The following PPP2R2D variants were observed in gnomAD, a reference collection of about 807,000 sequenced individuals.
The protein encoded by PPP2R2D is serine/threonine-protein phosphatase 2A 55 kDa regulatory subunit B delta isoform.
Under a neutral mutation model 31.1 loss-of-function variants are expected in PPP2R2D, and 9 were observed. The ratio of observed to expected loss-of-function variants is 0.29; its 90% CI spans 0.17 to 0.51. The LOEUF is 0.51. Among genes scored for constraint, PPP2R2D ranks in the 20% least tolerant of loss-of-function variants. PPP2R2D has a pLI of 0.98. For missense variants in PPP2R2D, 391 were observed against 465.6 expected, an observed-to-expected ratio of 0.84 and a Z score of 1.48; for synonymous variants, 179 against 172.6, an observed-to-expected ratio of 1.04 and a Z score of -0.29.
chr10:131,939,892 T>G, intron 3 of PPP2R2D, 139 bp from the exon 4 acceptor site: 2 of 409,190 alleles, frequency 4.9e-6, no homozygotes, highest in Non-Finnish European at 8.9e-6. Flanking sequence ...TTTCCCTGAG[T>G]TTCATCTGAG....
At chr10:131,930,394 G>A (rs2036200086) in intron 2 of PPP2R2D, among the ~76,000 whole-genome samples, 1 of 152,210 alleles carries the variant, frequency 6.6e-6, no homozygotes, top group South Asian at 2.1e-4. Flanking sequence ...TTGGAAGTCA[G>A]ATCTGCCATC....
the PPP2R2D span, chr10:131,966,766 G>A: frequency 6.6e-6 from 1 of 152,086 alleles, no homozygotes; most frequent in Admixed American, 6.6e-5. Context: ...CCCCCAGGCT[G>A]GTCTCGAACT....
chr10:131,903,426 C>A (rs1404967861), intron 2 of PPP2R2D, among the ~76,000 whole-genome samples: 1 of 134,166 alleles, frequency 7.5e-6, no homozygotes, highest in Non-Finnish European at 1.5e-5. Flanking sequence ...GAGATCGTGC[C>A]ATTGCCCTCC....
At chr10:131,923,389 C>T (rs1486273628) in intron 2 of PPP2R2D, among the ~76,000 whole-genome samples, 4 of 152,178 alleles carry the variant, frequency 2.6e-5, no homozygotes, top group Non-Finnish European at 4.4e-5. Context: ...GTTTTTGGCT[C>T]TTTCAAATGC....
chr10:131,968,719 C>T, the PPP2R2D span: 6 of 598,276 alleles, frequency 1.0e-5, no homozygotes, highest in Non-Finnish European at 8.9e-6. Flanking sequence ...ATGAATCTAT[C>T]TGTGATCTTT....
At chr10:131,902,482 GC>G (rs2035516433) in intron 2 of PPP2R2D, among the ~76,000 whole-genome samples, 1 of 152,138 alleles carries the variant, frequency 6.6e-6, no homozygotes. Flanking sequence ...GACAAACAGG[GC>G]CTAGGTTATT....
chr10:131,917,267 G>A (rs1235772676), intron 2 of PPP2R2D, among the ~76,000 whole-genome samples: 4 of 137,148 alleles, frequency 2.9e-5, no homozygotes, highest in African/African-American at 5.5e-5. Context: ...GACCTCAGGC[G>A]GGTGGAATGA....
At position 131,955,785 on chromosome 10, in the gene PPP2R2D, G is replaced by A. The variant is rs781856912; in HGVS notation, c.1184G>A (p.Arg395His). 5.6e-6 allele frequency: 9 copies of A among 1,595,050 alleles called. No individual in the cohort carries two copies. The highest frequency in any genetic ancestry group is 2.3e-5 in the East Asian group (1 of 43,660). Residue 395 changes from arginine to histidine, a missense_variant, in exon 9 of 9, where the codon CGC (arginine) becomes CAC (histidine). This residue lies in a region of PPP2R2D where 163 missense variants were observed against 179.5 expected (regional missense o/e 0.91). Transcript: ENST00000455566. ...LEASRESSKP[R>H]ASLKPRKVCT... ...GCCTCGAGAGAGAGCAGCAAACCGC[G>A]CGCCAGCCTCAAACCCCGGAAGGTG... is the stretch of plus-strand genomic sequence containing the variant.
rs1183538183 is a variant in PPP2R2D, at chr10:131,928,483, T to C, written c.101-5975T>C. On this transcript the variant is annotated intron_variant, in intron 2 of 8. Coordinates refer to ENST00000455566, the MANE Select transcript of PPP2R2D (RefSeq NM_018461.5). The stretch of plus-strand genomic sequence containing the variant: ...TAGGTGATGCGTTTTAAGTACTGTA[T>C]CTTTTTTGGTAATAGACTGATTGTG... Among the ~76,000 whole-genome samples, 8 of 152,272 alleles carry C rather than the reference T, an allele frequency of 5.3e-5. No homozygotes were observed. The East Asian group carries it at 5.8e-4, about 11-fold the overall frequency.
chr10:131,927,400 G>A (rs1366750854), intron 2 of PPP2R2D, among the ~76,000 whole-genome samples: 1 of 151,426 alleles, frequency 6.6e-6, no homozygotes, highest in East Asian at 1.9e-4. Flanking sequence ...CAGAGAGGGC[G>A]GGTGCGCGGG....
the PPP2R2D span, chr10:131,967,124 C>T: frequency 6.6e-6 from 1 of 152,214 alleles, no homozygotes; most frequent in Non-Finnish European, 1.5e-5. Flanking sequence ...ATCCACCCAC[C>T]TCAACCTCCC....
chr10:131,944,285 C>A, intron 6 of PPP2R2D, 140 bp downstream of exon 6: 1 of 687,972 alleles, frequency 1.5e-6, no homozygotes, highest in Non-Finnish European at 2.3e-6. Flanking sequence ...GATGTAAGTT[C>A]TCTGTGATTT....
chr10:131,911,510 T>C (rs1157735408), intron 2 of PPP2R2D: 1 of 152,288 alleles, frequency 6.6e-6, no homozygotes, highest in Non-Finnish European at 1.5e-5. Context: ...GGGAATAAGC[T>C]AAGCAAAACT....
At chr10:131,943,209 C>G (rs535882558) in intron 5 of PPP2R2D, among the ~76,000 whole-genome samples, 1 of 152,174 alleles carries the variant, frequency 6.6e-6, no homozygotes, top group African/African-American at 2.4e-5. Context: ...CTGCAGCCAG[C>G]GCCCACTCCT....
chr10:131,901,101 C>A lies in PPP2R2D; in HGVS notation c.-48C>A. On this transcript the variant is annotated 5_prime_UTR_variant, in exon 1 of 9. Coordinates refer to ENST00000455566, the MANE Select transcript of PPP2R2D (RefSeq NM_018461.5). ...CGCTCGGCTGCAGCGGCGCGGAGGC[C>A]GTCTCCCTGGTCTGCCGCGGTCCCC... 4.7e-6 allele frequency: 1 copy of A among 212,080 alleles called. No individual in the cohort carries two copies. The highest frequency in any genetic ancestry group is 1.1e-4 in the East Asian group (1 of 8,894). 13.1% of individuals were successfully genotyped at this position (212,080 alleles called of 1,614,324 possible).
chr10:131,919,539 A>G (rs528413474), intron 2 of PPP2R2D, among the ~76,000 whole-genome samples: 2 of 118,126 alleles, frequency 1.7e-5, no homozygotes, highest in African/African-American at 6.6e-5. Context: ...TAGGGACCTC[A>G]GGCGGGTGGA....
chr10:131,921,291 A>G (rs567663782), intron 2 of PPP2R2D, among the ~76,000 whole-genome samples: 4 of 152,282 alleles, frequency 2.6e-5, no homozygotes, highest in African/African-American at 7.2e-5. Flanking sequence ...GACCGGGGGA[A>G]TGTCCCAGCC....
intron 2 of PPP2R2D, among the ~76,000 whole-genome samples, chr10:131,919,331 T>G (rs1343379967): frequency 8.8e-6 from 1 of 113,806 alleles, no homozygotes; most frequent in Non-Finnish European, 1.8e-5. Context: ...TGTAGGGACC[T>G]CAGGCGGGTG....
intron 5 of PPP2R2D, among the ~76,000 whole-genome samples, chr10:131,942,393 A>C (rs1187444060): frequency 2.0e-5 from 3 of 152,226 alleles, no homozygotes; most frequent in Non-Finnish European, 2.9e-5. Context: ...CATGGGGAAG[A>C]GACCACAGAC....
Sources: gnomAD v4.1 joint callset for allele counts (sites outside exome capture counted in the v4.1 genomes callset) on GRCh38, gnomAD v4.1.1 for gene constraint, gnomAD v4.1.1 regional missense constraint, MANE v1.5 for transcripts, NCBI Gene and HGNC (gene_info 2026-07-23, HGNC 2026-07-21) for gene names.